The following SLC35D2 variants were observed in gnomAD, a reference collection of about 807,000 sequenced individuals.
SLC35D2 encodes solute carrier family 35 member D2, also known as nucleotide sugar transporter SLC35D2.
In SLC35D2, 43 loss-of-function variants were observed where a neutral mutation model predicts 41.8. The observed-to-expected ratio is 1.03, with a 90% CI of 0.81 to 1.33. SLC35D2 has a LOEUF of 1.33. SLC35D2 is among the 40% of genes most tolerant of loss of function. SLC35D2 has a pLI of 0.00. For synonymous variants in SLC35D2, 150 were observed against 163.9 expected (o/e 0.92, Z 0.65); for missense variants, 380 against 408.4 (o/e 0.93, Z 0.60).
chr9:96,343,629 G>C (rs150976138), intron 8 of SLC35D2, among the ~76,000 whole-genome samples: 187 of 152,280 alleles, frequency 1.2e-3, no homozygotes, highest in African/African-American at 4.3e-3. Context: ...ATTAGCAAAG[G>C]GGGATATGGA....
rs186796140 is a variant in SLC35D2 at position 96,377,982 on chromosome 9, G to A, written c.158+5495C>T. On this transcript the variant is annotated intron_variant, in intron 1 of 11. Transcript: ENST00000253270. ...GGGGGGTGAAGGAAGCAACATCTTC[G>A]GGACAGAGTCAGGTTTTCATTAAAG... Among the ~76,000 whole-genome samples the A allele has an allele frequency of 1.8e-4, 27 of 152,232 alleles. 1 individual carries two copies. The highest frequency in any genetic ancestry group is 1.2e-3 in the Admixed American group (18 of 15,276).
chr9:96,336,634 CAGAATAGACAG>C lies in SLC35D2; in HGVS notation c.752+72_752+82del. On this transcript the variant is annotated intron_variant, in intron 9 of 11. Coordinates refer to ENST00000253270, the MANE Select transcript of SLC35D2 (RefSeq NM_007001.3). ...TCAGAGAAACACAAAGGAATTCTGA[CAGAATAGACAG>C]AAGGCATATCTTGATTTGACTTGTC... The C allele has an allele frequency of 4.8e-6, 4 of 827,622 alleles. No homozygotes were observed. The Admixed American group carries it at 7.4e-5, about 15-fold the overall frequency. 51.3% of individuals were successfully genotyped at this position (827,622 alleles called of 1,614,324 possible).
downstream of SLC35D2, among the ~76,000 whole-genome samples, chr9:96,316,521 G>T (rs1453420639): frequency 6.6e-6 from 1 of 151,892 alleles, no homozygotes; most frequent in Non-Finnish European, 1.5e-5. Context: ...AGATGGTCTG[G>T]ACCAACAGCC....
Position 96,364,509 on chromosome 9 carries a change from G to C in SLC35D2, c.234C>G (p.Asn78Lys). Reference sequence around the variant, plus strand: ...CAAAATCAGGGAAGTGAATGATTTTGTTTAGCTTGGACACATATAGTATCA... The same window carrying C: ...CAAAATCAGGGAAGTGAATGATTTTCTTTAGCTTGGACACATATAGTATCA... ...TIMILYVSKL[N>K]KIIHFPDFDK... The change falls in exon 3 of 12, where the codon AAC (asparagine) becomes AAG (lysine). Residue 78 changes from asparagine (N) to lysine (K), a missense_variant. Physicochemically the swap from Asn to Lys is moderately conservative, Grantham distance 94 (BLOSUM62 0). Coordinates refer to ENST00000253270, the MANE Select transcript of SLC35D2 (RefSeq NM_007001.3). 1 of 1,607,906 alleles carries C rather than the reference G, an allele frequency of 6.2e-7. No individual in the cohort carries two copies. Among genetic ancestry groups the C allele is most frequent in the Non-Finnish European group, 8.5e-7 (1 of 1,175,248 alleles).
intron 8 of SLC35D2, among the ~76,000 whole-genome samples, chr9:96,343,510 G>A (rs1829433384): frequency 6.6e-6 from 1 of 152,334 alleles, no homozygotes; most frequent in East Asian, 1.9e-4. Context: ...TCTATTTTGT[G>A]CATGTTTCAA....
At chr9:96,349,762 G>A (rs938304092) in intron 6 of SLC35D2, among the ~76,000 whole-genome samples, 8 of 152,192 alleles carry the variant, frequency 5.3e-5, no homozygotes, top group Middle Eastern at 3.4e-3. Flanking sequence ...CTGACTTCAG[G>A]TGATGCACCC....
At chr9:96,320,278 C>T (rs879905323), downstream of SLC35D2, among the ~76,000 whole-genome samples, 8 of 152,176 alleles carry the variant, frequency 5.3e-5, no homozygotes, top group Admixed American at 2.6e-4. Flanking sequence ...CTTTAGGAGG[C>T]CAAGGTGGGC....
At chr9:96,327,211 A>G (rs1231378880) in intron 9 of SLC35D2, among the ~76,000 whole-genome samples, 1 of 152,208 alleles carries the variant, frequency 6.6e-6, no homozygotes, top group Non-Finnish European at 1.5e-5. Flanking sequence ...CAATCATGCA[A>G]CATTTTCTCC....
At chr9:96,371,235 CGGGT>C (rs1317348668) in intron 1 of SLC35D2, among the ~76,000 whole-genome samples, 1 of 151,870 alleles carries the variant, frequency 6.6e-6, no homozygotes, top group Non-Finnish European at 1.5e-5. Context: ...GAGGCCGAGG[CGGGT>C]GGATCACCTG....
At chr9:96,344,502 C>A (rs142226920) in intron 7 of SLC35D2, among the ~76,000 whole-genome samples, 1 of 57,916 alleles carries the variant, frequency 1.7e-5, no homozygotes, top group South Asian at 5.1e-4. Context: ...TGCAAAACTT[C>A]TACCGTTAAA....
chr9:96,371,636 T>C (rs1334483847), intron 1 of SLC35D2, among the ~76,000 whole-genome samples: 1 of 150,916 alleles, frequency 6.6e-6, no homozygotes, highest in East Asian at 1.9e-4. Context: ...AGTAAAGAAA[T>C]ATATATCTTT....
intron 3 of SLC35D2, among the ~76,000 whole-genome samples, chr9:96,360,628 C>CAAAAAAA (rs906000581): frequency 1.9e-4 from 3 of 15,698 alleles, no homozygotes; most frequent in Admixed American, 1.0e-3. Context: ...GACTTCATCT[C>CAAAAAAA]AAAAAAAAAA....
chr9:96,365,355 T>C (rs1025847191), intron 2 of SLC35D2, among the ~76,000 whole-genome samples: 7 of 147,216 alleles, frequency 4.8e-5, no homozygotes, highest in African/African-American at 1.3e-4. Flanking sequence ...CAAGACTCTA[T>C]CTCAAAAAAA....
At chr9:96,362,090 A>G (rs1306375179) in intron 3 of SLC35D2, among the ~76,000 whole-genome samples, 1 of 152,258 alleles carries the variant, frequency 6.6e-6, no homozygotes. Flanking sequence ...AAAAGAATAC[A>G]GCCACACACA....
In SLC35D2 at chr9:96,322,056, T is replaced by A; in HGVS notation, c.856A>T (p.Ile286Leu). Residue 286 changes from isoleucine (I) to leucine (L), a missense_variant, in exon 11 of 12, where the codon ATA becomes TTA. Coordinates refer to ENST00000253270, the MANE Select transcript of SLC35D2 (RefSeq NM_007001.3). ...AAAATGTAGTCTCCACCGATTAATATCCCAATGTAGGCAACGGATACATTC... is the reference window on the plus strand; with the variant it reads ...AAAATGTAGTCTCCACCGATTAATAACCCAATGTAGGCAACGGATACATTC... Reference protein sequence around the residue: ...IKNVSVAYIGILIGGDYIFSL... With the variant: ...IKNVSVAYIGLLIGGDYIFSL... The A allele has an allele frequency of 5.0e-6, 8 of 1,606,632 alleles. No individual in the cohort carries two copies. Among genetic ancestry groups the A allele is most frequent in the Non-Finnish European group, 6.8e-6 (8 of 1,173,650 alleles).
chr9:96,374,724 G>A (rs1322802280), intron 1 of SLC35D2, among the ~76,000 whole-genome samples: 1 of 150,668 alleles, frequency 6.6e-6, no homozygotes, highest in African/African-American at 2.4e-5. Context: ...TGTAGTCCCA[G>A]CTACTCGGGA....
intron 1 of SLC35D2, among the ~76,000 whole-genome samples, chr9:96,382,830 A>G (rs1346899731): frequency 6.6e-6 from 1 of 152,166 alleles, no homozygotes; most frequent in African/African-American, 2.4e-5. Flanking sequence ...TGCATCTGAA[A>G]AAAATTGCTG....
rs545303420 is a variant in SLC35D2, at chr9:96,383,459, C to T, written c.158+18G>A. Reference sequence around the variant, plus strand: ...CCCCGCACTCCCGCAGACCCCCCGGCCCCGGGCCCCGCCTCACCCGTAGGT... The same window carrying T: ...CCCCGCACTCCCGCAGACCCCCCGGTCCCGGGCCCCGCCTCACCCGTAGGT... On this transcript the variant is annotated intron_variant, in intron 1 of 11. Transcript: ENST00000253270. The T allele has an allele frequency of 2.0e-6, 3 of 1,518,248 alleles. No homozygotes were observed. The highest frequency in any genetic ancestry group is 1.4e-5 in the African/African-American group (1 of 69,662). 94.0% of individuals were successfully genotyped at this position (1,518,248 alleles called of 1,614,324 possible). A position where few individuals can be genotyped will look rare whatever the true frequency, so the allele number is the denominator to read the frequency against.
chr9:96,325,034 G>A (rs906970580), intron 9 of SLC35D2, among the ~76,000 whole-genome samples: 3 of 152,198 alleles, frequency 2.0e-5, no homozygotes, highest in Non-Finnish European at 4.4e-5. Flanking sequence ...TGCTGCCTTG[G>A]ACGGAGGAGA....
Sources: allele counts gnomAD v4.1 joint callset (sites outside exome capture counted in the v4.1 genomes callset), GRCh38; gene constraint gnomAD v4.1.1; transcripts MANE v1.5; gene names NCBI Gene and HGNC (gene_info 2026-07-23, HGNC 2026-07-21).